The following SHANK2 variants were observed in gnomAD, a reference collection of about 807,000 sequenced individuals.
SHANK2 encodes SH3 and multiple ankyrin repeat domains 2, also known as SH3 and multiple ankyrin repeat domains protein 2.
A neutral mutation model predicts 133.7 loss-of-function variants in SHANK2; 43 were observed. That is an observed-to-expected ratio of 0.32 (90% CI 0.25 to 0.41). SHANK2 has a LOEUF of 0.41. Among genes scored for constraint, SHANK2 ranks in the 10% least tolerant of loss-of-function variants. SHANK2 has a pLI of 1.00. For synonymous variants in SHANK2, 1,017 were observed against 952.8 expected (o/e 1.07, Z -1.24); for missense variants, 1,994 against 2,235.8 (o/e 0.89, Z 2.18).
intron 9 of SHANK2, among the ~76,000 whole-genome samples, chr11:71,066,410 G>A (rs1003328588): frequency 2.0e-5 from 3 of 152,018 alleles, no homozygotes; most frequent in Non-Finnish European, 2.9e-5. Flanking sequence ...GTGGGCAGGG[G>A]GTCCGTGAAG....
rs917791568 is a variant in SHANK2 at position 71,233,555 on chromosome 11, G to A, written c.-112-8759C>T. On this transcript the variant is annotated intron_variant, in intron 1 of 25. Transcript: ENST00000601538. Reference sequence around the variant, plus strand: ...ACATGTTCCTAAATCGACTCCGATGGTTGCACAATCTCCCTAATTTACTAA... The same window carrying A: ...ACATGTTCCTAAATCGACTCCGATGATTGCACAATCTCCCTAATTTACTAA... Among the ~76,000 whole-genome samples, 12 of 152,202 alleles carry A rather than the reference G, an allele frequency of 7.9e-5. 1 individual carries two copies. Among genetic ancestry groups the A allele is most frequent in the Admixed American group, 2.0e-4 (3 of 15,286 alleles).
chr11:70,491,412 G>T (rs944150742), intron 22 of SHANK2, among the ~76,000 whole-genome samples: 7 of 152,232 alleles, frequency 4.6e-5, no homozygotes, highest in Non-Finnish European at 1.5e-5. Flanking sequence ...GGCAAGGACC[G>T]GCAGGCAGGG....
intron 14 of SHANK2, among the ~76,000 whole-genome samples, chr11:70,795,688 G>C (rs1043527657): frequency 1.1e-4 from 17 of 152,194 alleles, no homozygotes; most frequent in African/African-American, 4.1e-4. Context: ...TTACAGGTGT[G>C]AGTCACTGCA....
intron 14 of SHANK2, among the ~76,000 whole-genome samples, chr11:70,774,138 G>A (rs1385903632): frequency 1.3e-5 from 2 of 152,196 alleles, no homozygotes; most frequent in African/African-American, 2.4e-5. Context: ...GAAGCAGTGA[G>A]ATTCTGATAC....
intron 17 of SHANK2, among the ~76,000 whole-genome samples, chr11:70,530,594 G>A (rs1477684624): frequency 6.6e-6 from 1 of 152,132 alleles, no homozygotes; most frequent in African/African-American, 2.4e-5. Context: ...ACGTGGATGA[G>A]CCTTGAGGAC....
chr11:70,751,465 G>C (rs1946747279), intron 14 of SHANK2, among the ~76,000 whole-genome samples: 1 of 152,126 alleles, frequency 6.6e-6, no homozygotes, highest in East Asian at 1.9e-4. Context: ...TTTAGATGAA[G>C]CAAAACCAAG....
chr11:71,110,799 G>C (rs946368588), intron 5 of SHANK2, among the ~76,000 whole-genome samples: 1 of 152,178 alleles, frequency 6.6e-6, no homozygotes, highest in Non-Finnish European at 1.5e-5. Context: ...CTCACCGTTC[G>C]CCATCCTAGT....
intron 14 of SHANK2, among the ~76,000 whole-genome samples, chr11:70,775,294 A>G (rs1426703876): frequency 6.6e-6 from 1 of 152,154 alleles, no homozygotes; most frequent in Non-Finnish European, 1.5e-5. Flanking sequence ...CGTCTCTACT[A>G]AAAACATAAA....
chr11:71,081,243 G>A (rs1951297004), intron 8 of SHANK2, among the ~76,000 whole-genome samples: 2 of 152,166 alleles, frequency 1.3e-5, no homozygotes, highest in Admixed American at 6.5e-5. Context: ...GCCTTCGTTT[G>A]GGACTCCAGC....
At chr11:70,626,876 A>G (rs2060912315) in intron 17 of SHANK2, among the ~76,000 whole-genome samples, 2 of 152,192 alleles carry the variant, frequency 1.3e-5, no homozygotes, top group African/African-American at 4.8e-5. Flanking sequence ...TTCAGCCCAG[A>G]GTGGGCAGCC....
intron 2 of SHANK2, among the ~76,000 whole-genome samples, chr11:71,172,975 C>T (rs781792132): frequency 2.2e-4 from 34 of 152,344 alleles, no homozygotes; most frequent in Middle Eastern, 3.4e-3. Flanking sequence ...CTCTGGCCTC[C>T]GGGGCCATTG....
intron 14 of SHANK2, among the ~76,000 whole-genome samples, chr11:70,785,497 C>T (rs1555046267): frequency 6.6e-6 from 1 of 152,234 alleles, no homozygotes; most frequent in African/African-American, 2.4e-5. Context: ...CCCACAACCC[C>T]GCCAAGCTCC....
At chr11:70,805,493 C>A (rs944598129) in intron 13 of SHANK2, among the ~76,000 whole-genome samples, 1 of 152,240 alleles carries the variant, frequency 6.6e-6, no homozygotes, top group Non-Finnish European at 1.5e-5. Flanking sequence ...CTTGCTCCCC[C>A]ACTGCGGGGC....
intron 3 of SHANK2, 151 bp downstream of exon 3, chr11:71,146,969 A>G (rs1555106805): frequency 3.3e-6 from 2 of 601,814 alleles, no homozygotes; most frequent in South Asian, 2.9e-5. Context: ...GCCTGGGGGG[A>G]CGGGGGCAGA....
chr11:70,939,801 CT>C, intron 10 of SHANK2, among the ~76,000 whole-genome samples: 1 of 152,334 alleles, frequency 6.6e-6, no homozygotes, highest in East Asian at 1.9e-4. Flanking sequence ...GTCCCAATCC[CT>C]GGAGCCCATA....
intron 11 of SHANK2, among the ~76,000 whole-genome samples, chr11:70,833,656 A>T (rs1948764235): frequency 6.6e-6 from 1 of 152,264 alleles, no homozygotes; most frequent in Non-Finnish European, 1.5e-5. Context: ...CAGGGGGTTA[A>T]GTGCATACTG....
At chr11:70,586,871 C>T (rs1264838232) in intron 17 of SHANK2, among the ~76,000 whole-genome samples, 1 of 152,184 alleles carries the variant, frequency 6.6e-6, no homozygotes, top group African/African-American at 2.4e-5. Flanking sequence ...GAATACGTCA[C>T]TCCTGGGAAA....
At position 71,086,613 on chromosome 11, in the gene SHANK2, G is replaced by A. The variant is rs1414140721; in HGVS notation, c.912+5809C>T. ...GATGATTCTCCATAATATTGAGTGGGCCCCATCCAATCAGTTGAAGGCCTT... is the reference window on the plus strand; with the variant it reads ...GATGATTCTCCATAATATTGAGTGGACCCCATCCAATCAGTTGAAGGCCTT... On this transcript the variant is annotated intron_variant, in intron 8 of 25. Transcript: ENST00000601538. Among the ~76,000 whole-genome samples the A allele has an allele frequency of 1.1e-4, 17 of 149,196 alleles. No homozygotes were observed. The East Asian group carries it at 3.3e-3, about 29-fold the overall frequency.
chr11:70,802,358 T>C (rs1948064299), intron 13 of SHANK2, among the ~76,000 whole-genome samples: 1 of 152,132 alleles, frequency 6.6e-6, no homozygotes, highest in Non-Finnish European at 1.5e-5. Flanking sequence ...GCAGCTCTCT[T>C]GCAAACTGGA....
Sources: allele counts gnomAD v4.1 joint callset (sites outside exome capture counted in the v4.1 genomes callset), GRCh38; gene constraint gnomAD v4.1.1; transcripts MANE v1.5; gene names NCBI Gene and HGNC (gene_info 2026-07-23, HGNC 2026-07-21).